NRXN1: variants seen among roughly 807,000 people sequenced by gnomAD.
The protein encoded by NRXN1 is neurexin 1.
A neutral mutation model predicts 150.9 loss-of-function variants in NRXN1; 39 were observed. That is an observed-to-expected ratio of 0.26 (90% CI 0.20 to 0.34). NRXN1 has a LOEUF of 0.34. Ranked by LOEUF, NRXN1 falls within the 10% of genes least tolerant of loss-of-function variation. The pLI, the probability that NRXN1 is intolerant of heterozygous loss-of-function variation, is 1.00. For synonymous variants in NRXN1, 924 were observed against 757.0 expected (o/e 1.22, Z -3.62); for missense variants, 1,815 against 1,949.9 (o/e 0.93, Z 1.30).
intron 5 of NRXN1, among the ~76,000 whole-genome samples, chr2:50,834,771 A>C (rs1671876475): frequency 6.6e-6 from 1 of 152,142 alleles, no homozygotes; most frequent in East Asian, 1.9e-4. Context: ...AGCAGGGCCC[A>C]ACCCAGGTCT....
At chr2:50,223,654 T>C (rs1010033304) in intron 18 of NRXN1, among the ~76,000 whole-genome samples, 3 of 151,916 alleles carry the variant, frequency 2.0e-5, no homozygotes, top group African/African-American at 4.8e-5. Flanking sequence ...AATGAACAGA[T>C]GACATACTTT....
At chr2:50,608,973 T>C (rs1302490064) in intron 8 of NRXN1, among the ~76,000 whole-genome samples, 1 of 152,178 alleles carries the variant, frequency 6.6e-6, no homozygotes, top group Non-Finnish European at 1.5e-5. Context: ...CAGTTTCTTA[T>C]TTATCTCTAC....
Position 50,381,477 on chromosome 2 carries a change from G to T in NRXN1, c.3364+83965C>A, listed in dbSNP as rs192994032. 6.9e-3 allele frequency among the ~76,000 whole-genome samples: 1,038 copies of T among 150,088 alleles called. 14 individuals are homozygous for T. The highest frequency in any genetic ancestry group is 0.025 in the African/African-American group (1,013 of 40,930). ...AGTTTTGCGAATAAACTGACAAGTA[G>T]AAATTGGAATTTAGTGAGAAGTCTA... On this transcript the variant is annotated intron_variant, in intron 17 of 22. Transcript: ENST00000401669.
chr2:50,445,352 T>C (rs535706159), intron 17 of NRXN1, among the ~76,000 whole-genome samples: 141 of 152,320 alleles, frequency 9.3e-4, no homozygotes, highest in Non-Finnish European at 1.7e-3. Context: ...TCAGTGCATA[T>C]ACCTAACAAA....
intron 5 of NRXN1, among the ~76,000 whole-genome samples, chr2:50,827,381 A>T (rs1330467876): frequency 1.3e-5 from 2 of 152,352 alleles, no homozygotes; most frequent in Admixed American, 6.5e-5. Context: ...ATTAGCAGCA[A>T]ATAATTAATG....
At chr2:50,980,716 A>G (rs763782552) in intron 2 of NRXN1, among the ~76,000 whole-genome samples, 17 of 152,158 alleles carry the variant, frequency 1.1e-4, no homozygotes, top group Middle Eastern at 3.2e-3. Context: ...TTAAAATGCC[A>G]CAACGCTATT....
rs199613298 is a variant in NRXN1 at position 50,106,742 on chromosome 2, C to CA, written c.3547-15249dup. Among the ~76,000 whole-genome samples the CA allele has an allele frequency of 4.7e-3, 702 of 150,638 alleles. 2 individuals carry two copies. Among genetic ancestry groups the CA allele is most frequent in the Non-Finnish European group, 6.7e-3 (455 of 67,450 alleles). On this transcript the variant is annotated intron_variant, in intron 18 of 22. Transcript: ENST00000401669. ...CTTTGTGATCACAAGTTATTTTATGCAAAAAAAACCCTAAAAGAAATTATG... is the reference window on the plus strand; with the variant it reads ...CTTTGTGATCACAAGTTATTTTATGCAAAAAAAAACCCTAAAAGAAATTATG...
At chr2:50,327,754 A>G (rs2076485416) in intron 17 of NRXN1, among the ~76,000 whole-genome samples, 5 of 151,674 alleles carry the variant, frequency 3.3e-5, no homozygotes, top group Admixed American at 3.3e-4. Context: ...CGTTCAAGGG[A>G]TTCTCCTGCT....
chr2:50,723,975 T>G (rs1697002027), intron 5 of NRXN1, among the ~76,000 whole-genome samples: 1 of 152,218 alleles, frequency 6.6e-6, no homozygotes, highest in Non-Finnish European at 1.5e-5. Context: ...CTTGCTTCAT[T>G]TTTTCTGTTT....
intron 5 of NRXN1, among the ~76,000 whole-genome samples, chr2:50,731,695 C>T (rs1181657726): frequency 6.6e-6 from 1 of 152,102 alleles, no homozygotes; most frequent in Non-Finnish European, 1.5e-5. Flanking sequence ...ACCTGGAAAC[C>T]TGCATTTCAA....
chr2:50,324,188 G>A lies in NRXN1; in HGVS notation c.3365-87218C>T, dbSNP rs375103146. On this transcript the variant is annotated intron_variant, in intron 17 of 22. Transcript: ENST00000401669. Reference sequence around the variant, plus strand: ...CAGAAGGACTAGTGAGAAAGCTACTGAAATGTTCTCCACAGAGGTCAGAGC... The same window carrying A: ...CAGAAGGACTAGTGAGAAAGCTACTAAAATGTTCTCCACAGAGGTCAGAGC... 7.2e-5 allele frequency among the ~76,000 whole-genome samples: 11 copies of A among 152,298 alleles called. No homozygotes were observed. In the East Asian group the frequency reaches 1.5e-3, roughly 21 times the overall value.
chr2:50,260,417 T>A (rs112829109), intron 17 of NRXN1, among the ~76,000 whole-genome samples: 222 of 151,892 alleles, frequency 1.5e-3, no homozygotes, highest in African/African-American at 5.1e-3. Context: ...ATCCATGGCA[T>A]CCTTTTAGTA....
At chr2:50,800,696 T>G (rs972690841) in intron 5 of NRXN1, among the ~76,000 whole-genome samples, 1 of 152,074 alleles carries the variant, frequency 6.6e-6, no homozygotes, top group African/African-American at 2.4e-5. Flanking sequence ...ATTACAGGCA[T>G]GCACCACCAC....
intron 5 of NRXN1, among the ~76,000 whole-genome samples, chr2:50,893,196 C>T (rs1365529823): frequency 1.3e-5 from 2 of 152,114 alleles, no homozygotes; most frequent in African/African-American, 4.8e-5. Flanking sequence ...GCATTTGTCC[C>T]CTGGAGCACC....
chr2:50,381,679 A>G (rs188811159), intron 17 of NRXN1, among the ~76,000 whole-genome samples: 20 of 152,170 alleles, frequency 1.3e-4, no homozygotes, highest in Admixed American at 1.2e-3. Flanking sequence ...GTTGGTGGAA[A>G]AGTAATTGTG....
At chr2:50,137,515 C>T (rs1385671022) in intron 18 of NRXN1, among the ~76,000 whole-genome samples, 1 of 152,052 alleles carries the variant, frequency 6.6e-6, no homozygotes. Flanking sequence ...AACTAGATTT[C>T]CCAATAGGGT....
intron 5 of NRXN1, among the ~76,000 whole-genome samples, chr2:50,793,578 C>T (rs1038674526): frequency 2.6e-5 from 4 of 152,000 alleles, no homozygotes; most frequent in African/African-American, 9.7e-5. Flanking sequence ...ACAGAAAATC[C>T]TCCCAATACA....
intron 5 of NRXN1, among the ~76,000 whole-genome samples, chr2:50,723,322 C>A (rs1696910299): frequency 6.6e-6 from 1 of 152,174 alleles, no homozygotes; most frequent in Non-Finnish European, 1.5e-5. Context: ...TGTCATGTGT[C>A]TTGTCGGTTT....
At chr2:50,410,762 G>C (rs1386037756) in intron 17 of NRXN1, among the ~76,000 whole-genome samples, 1 of 152,184 alleles carries the variant, frequency 6.6e-6, no homozygotes, top group East Asian at 1.9e-4. Context: ...GCAGAGTATA[G>C]ATGGCACAGA....
Sources: allele counts gnomAD v4.1 joint callset (sites outside exome capture counted in the v4.1 genomes callset), GRCh38; gene constraint gnomAD v4.1.1; transcripts MANE v1.5; gene names NCBI Gene and HGNC (gene_info 2026-07-23, HGNC 2026-07-21).